The following PACSIN2 variants were observed in gnomAD, a reference collection of about 807,000 sequenced individuals.
PACSIN2 encodes the protein protein kinase C and casein kinase substrate in neurons 2.
PACSIN2 carries 25 observed loss-of-function variants against 63.8 expected under a neutral mutation model. The ratio of observed to expected loss-of-function variants is 0.39; its 90% CI spans 0.29 to 0.55. The LOEUF is 0.55. Ranked by LOEUF, PACSIN2 falls within the 20% of genes least tolerant of loss-of-function variation. The pLI is 0.62. For missense variants in PACSIN2, 518 were observed against 646.9 expected (o/e 0.80, Z 2.16); for synonymous variants, 255 against 256.2 (o/e 1.00, Z 0.05).
At chr22:42,962,775 C>CGGGGGGGGGGG (rs1555936911) in intron 1 of PACSIN2, among the ~76,000 whole-genome samples, 1 of 16,410 alleles carries the variant, frequency 6.1e-5, no homozygotes, top group African/African-American at 1.8e-4. Flanking sequence ...AAGGTGTGGG[C>CGGGGGGGGGGG]GGGGGGGGGG....
At chr22:42,892,966 T>G (rs1033122132) in intron 3 of PACSIN2, among the ~76,000 whole-genome samples, 1 of 152,208 alleles carries the variant, frequency 6.6e-6, no homozygotes, top group Non-Finnish European at 1.5e-5. Context: ...CTTCTGAGCT[T>G]TTCGGTGGGG....
At chr22:42,982,888 A>AAAAAAAAAAAAAAACAACAAC (rs759532303) in intron 1 of PACSIN2, among the ~76,000 whole-genome samples, 1 of 105,220 alleles carries the variant, frequency 9.5e-6, no homozygotes, top group African/African-American at 3.3e-5. Context: ...AAAAAAAAAA[A>AAAAAAAAAAAAAAACAACAAC]AACAACAACA....
At chr22:42,996,337 G>C (rs1435024503) in intron 1 of PACSIN2, among the ~76,000 whole-genome samples, 2 of 151,738 alleles carry the variant, frequency 1.3e-5, no homozygotes, top group East Asian at 1.9e-4. Flanking sequence ...TTCAAGACCA[G>C]CCTGGCCAAG....
intron 1 of PACSIN2, among the ~76,000 whole-genome samples, chr22:42,923,569 A>G (rs1932337514): frequency 6.6e-6 from 1 of 152,130 alleles, no homozygotes; most frequent in Non-Finnish European, 1.5e-5. Flanking sequence ...CTGGGACTAC[A>G]GGCGCCCGCC....
At position 42,915,675 on chromosome 22, in the gene PACSIN2, ATTAAT is replaced by A. The variant is rs572676451; in HGVS notation, c.-77-3523_-77-3519del. 2.6e-5 allele frequency among the ~76,000 whole-genome samples: 4 copies of A among 152,378 alleles called. No individual in the cohort carries two copies. The East Asian group carries it at 7.7e-4, about 29-fold the overall frequency. On this transcript the variant is annotated intron_variant, in intron 1 of 10. Coordinates refer to ENST00000263246, the MANE Select transcript of PACSIN2 (RefSeq NM_001184970.3). The stretch of plus-strand genomic sequence containing the variant: ...ATTCTCCGAGATTATATACATCTTT[ATTAAT>A]TTAAGTAAAACAGAATTAGGAAGAC...
At chr22:42,903,011 C>T (rs911837087) in intron 2 of PACSIN2, among the ~76,000 whole-genome samples, 6 of 152,224 alleles carry the variant, frequency 3.9e-5, no homozygotes, top group African/African-American at 1.4e-4. Flanking sequence ...AACTTCATGG[C>T]CGGCAGAAGA....
At chr22:42,972,508 C>G (rs762179110) in intron 1 of PACSIN2, among the ~76,000 whole-genome samples, 27 of 151,890 alleles carry the variant, frequency 1.8e-4, no homozygotes, top group Non-Finnish European at 3.2e-4. Flanking sequence ...TCAATAAATA[C>G]TAAATATATA....
At chr22:42,939,190 T>C (rs1933038880) in intron 1 of PACSIN2, among the ~76,000 whole-genome samples, 1 of 152,196 alleles carries the variant, frequency 6.6e-6, no homozygotes, top group Non-Finnish European at 1.5e-5. Flanking sequence ...TCTTATGCAA[T>C]GGGAACACAT....
intron 1 of PACSIN2, among the ~76,000 whole-genome samples, chr22:42,927,175 C>A (rs933130637): frequency 6.6e-6 from 1 of 152,214 alleles, no homozygotes; most frequent in African/African-American, 2.4e-5. Context: ...TTGCAGCCAA[C>A]AAGCCATCCT....
intron 1 of PACSIN2, among the ~76,000 whole-genome samples, chr22:42,971,253 T>C (rs995872974): frequency 2.6e-5 from 4 of 151,942 alleles, no homozygotes; most frequent in African/African-American, 4.8e-5. Flanking sequence ...GCCTGACTGG[T>C]TTTTGTATTT....
chr22:42,996,076 T>C (rs969797510), intron 1 of PACSIN2, among the ~76,000 whole-genome samples: 113 of 151,796 alleles, frequency 7.4e-4, no homozygotes, highest in Middle Eastern at 3.4e-3. Flanking sequence ...AAAAATTAGC[T>C]GGGCGTGGTG....
chr22:42,901,454 C>T (rs980551238), intron 2 of PACSIN2, among the ~76,000 whole-genome samples: 70 of 152,232 alleles, frequency 4.6e-4, no homozygotes, highest in African/African-American at 1.6e-3. Flanking sequence ...CCTAACAAGA[C>T]CTCCTTCCCT....
At chr22:42,877,475 G>A (rs530957963) in intron 8 of PACSIN2, among the ~76,000 whole-genome samples, 23 of 152,280 alleles carry the variant, frequency 1.5e-4, no homozygotes, top group Non-Finnish European at 1.5e-5. Flanking sequence ...CAGCCCACAC[G>A]GCCTCCTCCT....
intron 1 of PACSIN2, among the ~76,000 whole-genome samples, chr22:42,990,902 G>A (rs1489099781): frequency 1.3e-5 from 2 of 152,172 alleles, no homozygotes; most frequent in Non-Finnish European, 2.9e-5. Flanking sequence ...AAAAAGCACA[G>A]CCCAAAGACT....
chr22:42,910,196 G>A (rs1377189270), intron 2 of PACSIN2, among the ~76,000 whole-genome samples: 11 of 152,158 alleles, frequency 7.2e-5, no homozygotes, highest in Non-Finnish European at 1.6e-4. Flanking sequence ...CCCTCACAAG[G>A]AAGGGCCTTT....
intron 1 of PACSIN2, among the ~76,000 whole-genome samples, chr22:42,921,219 C>T (rs975846094): frequency 6.6e-5 from 10 of 151,780 alleles, no homozygotes; most frequent in African/African-American, 1.5e-4. Context: ...GTTAGCCAGG[C>T]GTGGTGGCAC....
rs530783692 is a variant in PACSIN2, at chr22:42,925,441, T to C, written c.-77-13284A>G. On this transcript the variant is annotated intron_variant, in intron 1 of 10. Transcript: ENST00000263246. ...GTTGCAGTGAGCCAAGATCACGCCATAGCACTCCAGCCTGGGCGACAGAGC... is the reference window on the plus strand; with the variant it reads ...GTTGCAGTGAGCCAAGATCACGCCACAGCACTCCAGCCTGGGCGACAGAGC... 2.2e-3 allele frequency among the ~76,000 whole-genome samples: 332 copies of C among 147,780 alleles called. 1 individual carries two copies. Among genetic ancestry groups the C allele is most frequent in the Middle Eastern group, 7.0e-3 (2 of 286 alleles).
chr22:42,934,095 G>C (rs1051602331), intron 1 of PACSIN2, among the ~76,000 whole-genome samples: 3 of 152,172 alleles, frequency 2.0e-5, no homozygotes, highest in African/African-American at 7.2e-5. Context: ...GAGACAAAGA[G>C]AGTAAAAAGG....
At chr22:42,976,864 C>CAG (rs1921739748) in intron 1 of PACSIN2, among the ~76,000 whole-genome samples, 1 of 152,178 alleles carries the variant, frequency 6.6e-6, no homozygotes, top group Non-Finnish European at 1.5e-5. Flanking sequence ...TGGCTAACGT[C>CAG]AGAGAATTAG....
Sources: allele counts gnomAD v4.1 joint callset (sites outside exome capture counted in the v4.1 genomes callset), GRCh38; gene constraint gnomAD v4.1.1; transcripts MANE v1.5; gene names NCBI Gene and HGNC (gene_info 2026-07-23, HGNC 2026-07-21).